OR2L2: variants seen among roughly 807,000 people sequenced by gnomAD.
The protein encoded by OR2L2 is olfactory receptor 2L2.
For missense variants in OR2L2, 378 were observed against 375.2 expected, an observed-to-expected ratio of 1.01 and a Z score of -0.06; for synonymous variants, 156 against 135.4, an observed-to-expected ratio of 1.15 and a Z score of -1.06.
intron 2 of OR2L2, among the ~76,000 whole-genome samples, chr1:248,037,834 T>C (rs537878051): frequency 2.6e-5 from 4 of 152,196 alleles, no homozygotes; most frequent in Non-Finnish European, 4.4e-5. Flanking sequence ...AAATTTTCAA[T>C]TGGTTTTCAG....
chr1:248,033,174 A>G (rs996194381), intron 1 of OR2L2, among the ~76,000 whole-genome samples: 4 of 152,142 alleles, frequency 2.6e-5, no homozygotes, highest in African/African-American at 7.2e-5. Context: ...AGGCTGTACA[A>G]TTTCATTTTG....
Position 248,039,263 on chromosome 1 carries a change from A to C in OR2L2, c.*57A>C. The C allele has an allele frequency of 6.8e-7, 1 of 1,472,244 alleles. No homozygotes were observed. The highest frequency in any genetic ancestry group is 9.1e-7 in the Non-Finnish European group (1 of 1,093,086). 91.2% of individuals were successfully genotyped at this position (1,472,244 alleles called of 1,614,324 possible). On this transcript the variant is annotated 3_prime_UTR_variant, in exon 3 of 3. Coordinates refer to ENST00000641771, the MANE Select transcript of OR2L2 (RefSeq NM_001385855.1). ...GGTTCATATCAACTTAGTAGTGTACAGCAGTGAAGAAAAACATTATTACAT... is the reference window on the plus strand; with the variant it reads ...GGTTCATATCAACTTAGTAGTGTACCGCAGTGAAGAAAAACATTATTACAT...
intron 1 of OR2L2, among the ~76,000 whole-genome samples, chr1:248,035,050 C>CT (rs74814875): frequency 0.014 from 2,040 of 140,730 alleles, 35 homozygotes; most frequent in African/African-American, 0.036. Context: ...TTATCTTTCC[C>CT]TTTTTTTTTT....
chr1:248,031,508 G>T (rs1243200436), intron 1 of OR2L2, among the ~76,000 whole-genome samples: 1 of 152,198 alleles, frequency 6.6e-6, no homozygotes, highest in Non-Finnish European at 1.5e-5. Context: ...TCTTTTAATG[G>T]GGTCTTGGTG....
At chr1:248,033,510 C>T (rs544372858) in intron 1 of OR2L2, among the ~76,000 whole-genome samples, 1 of 151,922 alleles carries the variant, frequency 6.6e-6, no homozygotes, top group African/African-American at 2.4e-5. Context: ...GATCTTGGCT[C>T]ACTGCAACCT....
chr1:248,038,166 A>T, intron 2 of OR2L2, 81 bp from the exon 3 acceptor site: 1 of 792,336 alleles, frequency 1.3e-6, no homozygotes, highest in Non-Finnish European at 2.1e-6. Context: ...AGTTTCAGGC[A>T]TCCACTGGGA....
rs767444779 is a variant in OR2L2 at position 248,038,483 on chromosome 1, C to T, written c.216C>T (p.Tyr72=). The change falls in exon 3 of 3, where the codon TAC becomes TAT. Residue 72 remains tyrosine, a synonymous_variant. Transcript: ENST00000641771. ...AGCTCTCCCTCATTGACCTAAATTA[C>T]ATCTCCACCATTGTTCCAAAGATGG... is the stretch of plus-strand genomic sequence containing the variant. The part of the protein sequence containing the change: ...LSQLSLIDLN[Y]ISTIVPKMVY... 2 of 1,613,872 alleles carry T rather than the reference C, an allele frequency of 1.2e-6. No individual in the cohort carries two copies. The highest frequency in any genetic ancestry group is 1.7e-6 in the Non-Finnish European group (2 of 1,179,764).
rs1662937960 is a variant in OR2L2 at position 248,041,109 on chromosome 1, C to T, written c.*1903C>T. 6.6e-6 allele frequency: 1 copy of T among 152,060 alleles called. No homozygotes were observed. Among genetic ancestry groups the T allele is most frequent in the African/African-American group, 2.4e-5 (1 of 41,374 alleles). 9.4% of individuals were successfully genotyped at this position (152,060 alleles called of 1,614,324 possible). A position where few individuals can be genotyped will look rare whatever the true frequency, so the allele number is the denominator to read the frequency against. On this transcript the variant is annotated 3_prime_UTR_variant, in exon 3 of 3. Transcript: ENST00000641771. ...TAGTTGCCTGATGTTGAAAGATTTA[C>T]CTAATCTCACATAAATAACCAAAAC...
In OR2L2 at chr1:248,039,255, T is replaced by C. The variant is rs779672311; in HGVS notation, c.*49T>C. 1.4e-5 allele frequency: 22 copies of C among 1,529,902 alleles called. No homozygotes were observed. Among genetic ancestry groups the C allele is most frequent in the East Asian group, 9.0e-5 (4 of 44,568 alleles). The allele number at this position is 1,529,902 out of a possible 1,614,324, so 94.8% of individuals were successfully genotyped here. A position where few individuals can be genotyped will look rare whatever the true frequency, so the allele number is the denominator to read the frequency against. On this transcript the variant is annotated 3_prime_UTR_variant, in exon 3 of 3. Transcript: ENST00000641771. ...AAGCGCTAGGTTCATATCAACTTAGTAGTGTACAGCAGTGAAGAAAAACAT... is the reference window on the plus strand; with the variant it reads ...AAGCGCTAGGTTCATATCAACTTAGCAGTGTACAGCAGTGAAGAAAAACAT...
rs140738908 is a variant in OR2L2, at chr1:248,038,635, T to C, written c.368T>C (p.Val123Ala). The part of the protein sequence containing the change: ...LLTSMAYDRY[V>A]AICFPLHYPI... ...ACATCAATGGCCTATGATCGTTATG[T>C]GGCCATTTGCTTTCCTCTCCACTAT... The change falls in exon 3 of 3, where the codon GTG becomes GCG. Residue 123 changes from valine to alanine, a missense_variant. By Grantham distance (64) the Val-to-Ala change is moderately conservative. Coordinates refer to ENST00000641771, the MANE Select transcript of OR2L2 (RefSeq NM_001385855.1). The C allele has an allele frequency of 2.4e-4, 392 of 1,614,030 alleles. 2 individuals are homozygous for C. The highest frequency in any genetic ancestry group is 3.2e-4 in the Non-Finnish European group (376 of 1,179,974).
At chr1:248,032,944 T>G (rs1662658395) in intron 1 of OR2L2, among the ~76,000 whole-genome samples, 1 of 151,602 alleles carries the variant, frequency 6.6e-6, no homozygotes, top group Admixed American at 6.6e-5. Context: ...AACACAATAA[T>G]TTGACAACTT....
intron 1 of OR2L2, among the ~76,000 whole-genome samples, chr1:248,034,675 A>G (rs928705368): frequency 1.3e-5 from 2 of 152,182 alleles, no homozygotes; most frequent in African/African-American, 2.4e-5. Context: ...ATTTTTCAAT[A>G]TATAAGCCTT....
rs867663911 is a variant in OR2L2 at position 248,038,690 on chromosome 1, G to A, written c.423G>A (p.Val141=). ...YPIRISKRVC[V]MMITGSWMIS... Reference sequence around the variant, plus strand: ...TCCGTATAAGCAAAAGAGTGTGTGTGATGATGATAACAGGATCTTGGATGA... The same window carrying A: ...TCCGTATAAGCAAAAGAGTGTGTGTAATGATGATAACAGGATCTTGGATGA... Residue 141 remains valine, a synonymous_variant, in exon 3 of 3, where the codon GTG becomes GTA. Coordinates refer to ENST00000641771, the MANE Select transcript of OR2L2 (RefSeq NM_001385855.1). 2 of 1,614,114 alleles carry A rather than the reference G, an allele frequency of 1.2e-6. No homozygotes were observed. Among genetic ancestry groups the A allele is most frequent in the South Asian group, 2.2e-5 (2 of 91,078 alleles).
rs1030690456 is a variant in OR2L2, at chr1:248,041,937, G to T, written c.*2731G>T. ...GTAAACTAGTTCAACCATTGTGGAA[G>T]TCAGTGTGGCGATTCCTCAGGGATC... On this transcript the variant is annotated 3_prime_UTR_variant, in exon 3 of 3. Coordinates refer to ENST00000641771, the MANE Select transcript of OR2L2 (RefSeq NM_001385855.1). 7 of 152,188 alleles carry T rather than the reference G, an allele frequency of 4.6e-5. No homozygotes were observed. The highest frequency in any genetic ancestry group is 7.3e-5 in the Non-Finnish European group (5 of 68,048). The allele number at this position is 152,188 out of a possible 1,614,324, so 9.4% of individuals were successfully genotyped here.
chr1:248,036,048 A>C, intron 2 of OR2L2, among the ~76,000 whole-genome samples: 1 of 152,208 alleles, frequency 6.6e-6, no homozygotes, highest in Non-Finnish European at 1.5e-5. Flanking sequence ...GAAATATTTT[A>C]CTAAAAATAT....
Position 248,039,428 on chromosome 1 carries a change from G to C in OR2L2, c.*222G>C, listed in dbSNP as rs546915790. 7 of 362,636 alleles carry C rather than the reference G, an allele frequency of 1.9e-5. No individual in the cohort carries two copies. The highest frequency in any genetic ancestry group is 6.4e-5 in the African/African-American group (3 of 46,586). The allele number at this position is 362,636 out of a possible 1,614,324, so 22.5% of individuals were successfully genotyped here. On this transcript the variant is annotated 3_prime_UTR_variant, in exon 3 of 3. Transcript: ENST00000641771. Reference sequence around the variant, plus strand: ...GTGTGTGGTTTTTGTTTGTTTGTTTGTTTGTCTTTTTAATGGATTTTGGCT... The same window carrying C: ...GTGTGTGGTTTTTGTTTGTTTGTTTCTTTGTCTTTTTAATGGATTTTGGCT...
intron 1 of OR2L2, 53 bp downstream of exon 1, chr1:248,030,288 ACT>A (rs1252952435): frequency 6.6e-6 from 1 of 152,138 alleles, no homozygotes; most frequent in East Asian, 1.9e-4. Context: ...CGAAGAAGGG[ACT>A]CTGGCAAGTG....
chr1:248,032,427 T>C (rs1662643676), intron 1 of OR2L2, among the ~76,000 whole-genome samples: 1 of 152,168 alleles, frequency 6.6e-6, no homozygotes, highest in Non-Finnish European at 1.5e-5. Context: ...ATTTATATTG[T>C]TCTGCAACCA....
intron 2 of OR2L2, among the ~76,000 whole-genome samples, chr1:248,036,815 G>A (rs1415867720): frequency 6.6e-6 from 1 of 152,100 alleles, no homozygotes. Flanking sequence ...AAGATGTAAA[G>A]TGATTTATTG....
Sources: gnomAD v4.1 joint callset for allele counts (sites outside exome capture counted in the v4.1 genomes callset) on GRCh38, gnomAD v4.1.1 for gene constraint, MANE v1.5 for transcripts, NCBI Gene and HGNC (gene_info 2026-07-23, HGNC 2026-07-21) for gene names.